Variants in HS6ST1 observed in about 807,000 individuals in gnomAD.
The protein encoded by HS6ST1 is heparan sulfate 6-O-sulfotransferase 1.
A neutral mutation model predicts 25.2 loss-of-function variants in HS6ST1; 3 were observed. The observed-to-expected ratio is 0.12, with a 90% CI of 0.05 to 0.31. HS6ST1 has a LOEUF of 0.31. HS6ST1 is among the 10% of genes least tolerant of loss of function. HS6ST1 has a pLI of 1.00. For missense variants in HS6ST1, 310 were observed against 609.6 expected (o/e 0.51, Z 5.18); for synonymous variants, 204 against 275.1 (o/e 0.74, Z 2.56).
intron 1 of HS6ST1, among the ~76,000 whole-genome samples, chr2:128,294,575 C>T (rs534390674): frequency 2.0e-5 from 3 of 152,206 alleles, no homozygotes; most frequent in South Asian, 2.1e-4. Context: ...CTGGGAGCTG[C>T]GGCCCCTCTG....
chr2:128,300,518 T>C (rs1015803878), intron 1 of HS6ST1, among the ~76,000 whole-genome samples: 1 of 152,172 alleles, frequency 6.6e-6, no homozygotes, highest in African/African-American at 2.4e-5. Flanking sequence ...TCTGGGTTCT[T>C]GGGCCCTGAA....
At chr2:128,296,522 T>C (rs2104927875) in intron 1 of HS6ST1, among the ~76,000 whole-genome samples, 1 of 152,342 alleles carries the variant, frequency 6.6e-6, no homozygotes, top group Non-Finnish European at 1.5e-5. Context: ...CTTAACAATG[T>C]TGTTAAAGTA....
intron 1 of HS6ST1, among the ~76,000 whole-genome samples, chr2:128,298,923 G>A (rs1380831034): frequency 3.3e-5 from 5 of 152,336 alleles, no homozygotes; most frequent in African/African-American, 9.6e-5. Context: ...GTCCCTGGGC[G>A]CGGCCACCCT....
Position 128,268,064 on chromosome 2 carries a change from T to G in HS6ST1, c.*98A>C. On this transcript the variant is annotated 3_prime_UTR_variant, in exon 2 of 2. Coordinates refer to ENST00000259241, the MANE Select transcript of HS6ST1 (RefSeq NM_004807.3). ...CGCAGCTACCTCTGTGGAGCAGGTT[T>G]GGGATGCTCATCCCTTGACAGTCTT... 5 of 836,206 alleles carry G rather than the reference T, an allele frequency of 6.0e-6. No individual in the cohort carries two copies. The highest frequency in any genetic ancestry group is 7.7e-6 in the Non-Finnish European group (4 of 516,802). The allele number at this position is 836,206 out of a possible 1,614,324, so 51.8% of individuals were successfully genotyped here. A position where few individuals can be genotyped will look rare whatever the true frequency, so the allele number is the denominator to read the frequency against.
intron 1 of HS6ST1, among the ~76,000 whole-genome samples, chr2:128,288,280 C>T (rs767848025): frequency 2.6e-5 from 4 of 152,122 alleles, no homozygotes; most frequent in Non-Finnish European, 5.9e-5. Context: ...GACGTGGAGG[C>T]CCGAGAGGGA....
At chr2:128,312,785 T>C (rs1573711395) in intron 1 of HS6ST1, among the ~76,000 whole-genome samples, 1 of 152,152 alleles carries the variant, frequency 6.6e-6, no homozygotes, top group Admixed American at 6.5e-5. Flanking sequence ...AATAGGCTGG[T>C]GCGGTGGCTC....
chr2:128,299,423 G>A (rs902866879), intron 1 of HS6ST1, among the ~76,000 whole-genome samples: 2 of 152,228 alleles, frequency 1.3e-5, no homozygotes, highest in Admixed American at 6.5e-5. Flanking sequence ...AGGCTCTGCT[G>A]GCCCCAGTCT....
intron 1 of HS6ST1, among the ~76,000 whole-genome samples, chr2:128,317,410 G>C (rs1573713897): frequency 6.6e-6 from 1 of 152,226 alleles, no homozygotes; most frequent in South Asian, 2.1e-4. Context: ...GAAGAATTCG[G>C]CTGGCAGGCC....
chr2:128,282,923 G>A (rs1558871882), intron 1 of HS6ST1, among the ~76,000 whole-genome samples: 1 of 152,174 alleles, frequency 6.6e-6, no homozygotes, highest in African/African-American at 2.4e-5. Flanking sequence ...CCACATCTGG[G>A]GCCTCTGGAC....
chr2:128,292,937 G>C (rs1693978319), intron 1 of HS6ST1, among the ~76,000 whole-genome samples: 1 of 152,114 alleles, frequency 6.6e-6, no homozygotes, highest in Admixed American at 6.5e-5. Flanking sequence ...CCTCCCACTT[G>C]TCAGCCTCCC....
At chr2:128,268,910 A>C in intron 1 of HS6ST1, 40 bp from the exon 2 acceptor site, 3 of 1,546,226 alleles carry the variant, frequency 1.9e-6, no homozygotes, top group Non-Finnish European at 2.7e-6. Context: ...GCTGTGACGC[A>C]GCATGAGGGG....
At chr2:128,309,878 G>C (rs1694262566) in intron 1 of HS6ST1, among the ~76,000 whole-genome samples, 1 of 152,220 alleles carries the variant, frequency 6.6e-6, no homozygotes, top group Admixed American at 6.5e-5. Context: ...GAATGCTAAG[G>C]GGTTATGAGT....
At chr2:128,270,748 C>A (rs1239870425) in intron 1 of HS6ST1, among the ~76,000 whole-genome samples, 1 of 152,192 alleles carries the variant, frequency 6.6e-6, no homozygotes, top group Middle Eastern at 3.2e-3. Context: ...TGGATGGAGA[C>A]AGGCCAGTGT....
chr2:128,267,778 T>C lies in HS6ST1; in HGVS notation c.*384A>G, dbSNP rs535632794. 25 of 325,740 alleles carry C rather than the reference T, an allele frequency of 7.7e-5. No individual in the cohort carries two copies. The highest frequency in any genetic ancestry group is 1.2e-4 in the Non-Finnish European group (21 of 172,854). The allele number at this position is 325,740 out of a possible 1,614,324, so 20.2% of individuals were successfully genotyped here. A position where few individuals can be genotyped will look rare whatever the true frequency, so the allele number is the denominator to read the frequency against. The stretch of plus-strand genomic sequence containing the variant: ...GAGCTAAGAGCGAGTGCTGTGTGCA[T>C]AGTTGGTGAGGGACACACTCCCGGC... On this transcript the variant is annotated 3_prime_UTR_variant, in exon 2 of 2. Coordinates refer to ENST00000259241, the MANE Select transcript of HS6ST1 (RefSeq NM_004807.3).
intron 1 of HS6ST1, among the ~76,000 whole-genome samples, chr2:128,271,799 C>T (rs1189511873): frequency 3.3e-5 from 5 of 152,222 alleles, no homozygotes; most frequent in Admixed American, 3.3e-4. Context: ...GAGGGCTTTC[C>T]CCTCCTGGGA....
At chr2:128,270,482 C>T (rs965600146) in intron 1 of HS6ST1, among the ~76,000 whole-genome samples, 15 of 152,204 alleles carry the variant, frequency 9.9e-5, no homozygotes, top group African/African-American at 2.4e-4. Context: ...CCTGGGCACT[C>T]GGGGCCTCAA....
chr2:128,281,694 G>A (rs1693788982), intron 1 of HS6ST1, among the ~76,000 whole-genome samples: 2 of 152,186 alleles, frequency 1.3e-5, no homozygotes, highest in Admixed American at 1.3e-4. Flanking sequence ...CTGCTGCCCT[G>A]TTTTGGCCTC....
intron 1 of HS6ST1, among the ~76,000 whole-genome samples, chr2:128,312,760 T>A (rs186228164): frequency 4.1e-4 from 63 of 151,850 alleles, no homozygotes; most frequent in Admixed American, 5.9e-4. Flanking sequence ...AGAATAAATT[T>A]AAAAAAAAAT....
chr2:128,306,541 G>A (rs1397573082), intron 1 of HS6ST1, among the ~76,000 whole-genome samples: 1 of 152,212 alleles, frequency 6.6e-6, no homozygotes, highest in Non-Finnish European at 1.5e-5. Flanking sequence ...GAGGGGAGAT[G>A]CTCCCCCTGC....
Sources: gnomAD v4.1 joint callset for allele counts (sites outside exome capture counted in the v4.1 genomes callset) on GRCh38, gnomAD v4.1.1 for gene constraint, MANE v1.5 for transcripts, NCBI Gene and HGNC (gene_info 2026-07-23, HGNC 2026-07-21) for gene names.